ZSWIM5: variants seen among roughly 807,000 people sequenced by gnomAD.
ZSWIM5 encodes zinc finger SWIM domain-containing protein 5.
In ZSWIM5, 55 loss-of-function variants were observed where a neutral mutation model predicts 119.6. The ratio of observed to expected loss-of-function variants is 0.46; its 90% CI spans 0.37 to 0.58. ZSWIM5 has a LOEUF of 0.58. Ranked by LOEUF, ZSWIM5 falls within the 20% of genes least tolerant of loss-of-function variation. ZSWIM5 has a pLI of 0.00. For synonymous variants in ZSWIM5, 537 were observed against 606.9 expected (o/e 0.88, Z 1.69); for missense variants, 1,193 against 1,512.8 (o/e 0.79, Z 3.51).
chr1:45,114,473 T>C lies in ZSWIM5; in HGVS notation c.596-26236A>G, dbSNP rs112772449. Reference sequence around the variant, plus strand: ...TGTATTTAATAACAGAGCTTCAAAATACATGAAGCAAAAACTAACAGAATT... The same window carrying C: ...TGTATTTAATAACAGAGCTTCAAAACACATGAAGCAAAAACTAACAGAATT... On this transcript the variant is annotated intron_variant, in intron 1 of 13. Transcript: ENST00000359600. Among the ~76,000 whole-genome samples the C allele has an allele frequency of 2.3e-3, 355 of 152,206 alleles. 1 individual carries two copies. Among genetic ancestry groups the C allele is most frequent in the Admixed American group, 5.0e-3 (77 of 15,278 alleles).
rs764410621 is a variant in ZSWIM5, at chr1:45,020,668, G to A, written c.2570C>T (p.Thr857Ile). The change falls in exon 12 of 14, where the codon ACT becomes ATT. Residue 857 changes from threonine to isoleucine, a missense_variant. Coordinates refer to ENST00000359600, the MANE Select transcript of ZSWIM5 (RefSeq NM_020883.2). ...FKIATPTDSS[T>I]DSTLLNVALE... ...GGCAACGTTGAGCAGGGTGCTGTCA[G>A]TACTACTGTCGGTGGGAGTAGCAAT... is the stretch of plus-strand genomic sequence containing the variant. 5.6e-6 allele frequency: 9 copies of A among 1,614,200 alleles called. No homozygotes were observed. Among genetic ancestry groups the A allele is most frequent in the Admixed American group, 3.3e-5 (2 of 60,026 alleles).
At chr1:45,174,739 C>CA (rs1304741417) in intron 1 of ZSWIM5, among the ~76,000 whole-genome samples, 2 of 151,112 alleles carry the variant, frequency 1.3e-5, no homozygotes, top group South Asian at 4.2e-4. Flanking sequence ...GATTCTGTCT[C>CA]AAAAAAAAGA....
intron 1 of ZSWIM5, among the ~76,000 whole-genome samples, chr1:45,154,899 C>G (rs965624475): frequency 8.6e-5 from 13 of 151,882 alleles, no homozygotes; most frequent in African/African-American, 2.4e-4. Context: ...TACAAAAAAC[C>G]TCAAGATGGA....
chr1:45,137,955 C>A (rs1201217369), intron 1 of ZSWIM5, among the ~76,000 whole-genome samples: 1 of 152,092 alleles, frequency 6.6e-6, no homozygotes, highest in African/African-American at 2.4e-5. Context: ...AAAGAATTCA[C>A]GGGAGAGATC....
intron 1 of ZSWIM5, among the ~76,000 whole-genome samples, chr1:45,196,580 C>T (rs1201676368): frequency 6.7e-6 from 1 of 149,744 alleles, no homozygotes; most frequent in Non-Finnish European, 1.5e-5. Context: ...TTAGTAGAGG[C>T]GGGATTTCAC....
intron 2 of ZSWIM5, among the ~76,000 whole-genome samples, chr1:45,083,646 C>T (rs1645307934): frequency 6.6e-6 from 1 of 152,212 alleles, no homozygotes; most frequent in African/African-American, 2.4e-5. Context: ...CTCTATTATA[C>T]AGGCCACCCA....
chr1:45,107,641 CAAAAAAAAAAAAA>C (rs931372052), intron 1 of ZSWIM5, among the ~76,000 whole-genome samples: 2 of 68,562 alleles, frequency 2.9e-5, no homozygotes, highest in Admixed American at 1.6e-4. Flanking sequence ...GACTCTGTCT[CAAAAAAAAAAAAA>C]AAAAAAAAAA....
intron 1 of ZSWIM5, among the ~76,000 whole-genome samples, chr1:45,170,929 A>G (rs1645942665): frequency 6.6e-6 from 1 of 152,116 alleles, no homozygotes; most frequent in African/African-American, 2.4e-5. Context: ...AATATTACCA[A>G]TATTTGGCAC....
chr1:45,030,942 C>A (rs1289241061), intron 11 of ZSWIM5, among the ~76,000 whole-genome samples: 3 of 151,650 alleles, frequency 2.0e-5, no homozygotes, highest in Non-Finnish European at 4.4e-5. Flanking sequence ...GGATTACAGG[C>A]ACCCACCACC....
intron 2 of ZSWIM5, among the ~76,000 whole-genome samples, chr1:45,060,520 A>G (rs966794112): frequency 1.3e-5 from 2 of 152,224 alleles, no homozygotes; most frequent in Non-Finnish European, 2.9e-5. Context: ...AGGGGAAAAA[A>G]GGTTAGAAGA....
At chr1:45,103,081 T>TG (rs952072810) in intron 1 of ZSWIM5, among the ~76,000 whole-genome samples, 8 of 152,124 alleles carry the variant, frequency 5.3e-5, no homozygotes, top group Non-Finnish European at 1.2e-4. Context: ...TTGCCTAGGC[T>TG]GGTCTCAAAC....
At chr1:45,155,673 T>C (rs1645822782) in intron 1 of ZSWIM5, among the ~76,000 whole-genome samples, 1 of 152,126 alleles carries the variant, frequency 6.6e-6, no homozygotes, top group Non-Finnish European at 1.5e-5. Context: ...GAAACTGTAG[T>C]ATATACATAA....
intron 1 of ZSWIM5, among the ~76,000 whole-genome samples, chr1:45,184,678 T>A (rs141202782): frequency 0.15 from 23,054 of 150,140 alleles, 2,394 homozygotes; most frequent in African/African-American, 0.29. Context: ...AATACTTAGG[T>A]ATCCAACTTA....
chr1:45,081,472 G>C (rs950798271), intron 2 of ZSWIM5, among the ~76,000 whole-genome samples: 2 of 152,224 alleles, frequency 1.3e-5, no homozygotes, highest in Admixed American at 6.5e-5. Flanking sequence ...CGCCACGCCT[G>C]ACTGGTTTTC....
intron 1 of ZSWIM5, among the ~76,000 whole-genome samples, chr1:45,186,168 G>A (rs553560809): frequency 4.8e-5 from 7 of 146,428 alleles, no homozygotes; most frequent in South Asian, 4.4e-4. Flanking sequence ...ACCAAACACC[G>A]CATGTTCTCA....
At chr1:45,131,796 CTAT>C (rs1007346592) in intron 1 of ZSWIM5, among the ~76,000 whole-genome samples, 2 of 148,072 alleles carry the variant, frequency 1.4e-5, no homozygotes, top group Non-Finnish European at 3.0e-5. Flanking sequence ...AAAGGTAGTA[CTAT>C]TATTATTATT....
At chr1:45,106,517 G>A (rs1457953805) in intron 1 of ZSWIM5, among the ~76,000 whole-genome samples, 6 of 148,006 alleles carry the variant, frequency 4.1e-5, no homozygotes, top group South Asian at 4.3e-4. Flanking sequence ...GGTGGGGAGC[G>A]CCTCTGCCCG....
At chr1:45,149,084 T>C (rs999902261) in intron 1 of ZSWIM5, among the ~76,000 whole-genome samples, 2 of 151,906 alleles carry the variant, frequency 1.3e-5, no homozygotes, top group Non-Finnish European at 2.9e-5. Context: ...GCCTGGGCAA[T>C]ATAGTAAGAC....
intron 1 of ZSWIM5, among the ~76,000 whole-genome samples, chr1:45,172,814 T>C (rs1226749): frequency 0.16 from 24,355 of 152,160 alleles, 2,665 homozygotes; most frequent in African/African-American, 0.3. Flanking sequence ...ATAATTATTA[T>C]GCAAATCATT....
Sources: gnomAD v4.1 joint callset for allele counts (sites outside exome capture counted in the v4.1 genomes callset) on GRCh38, gnomAD v4.1.1 for gene constraint, MANE v1.5 for transcripts, NCBI Gene and HGNC (gene_info 2026-07-23, HGNC 2026-07-21) for gene names.